TOM1L2: variants seen among roughly 807,000 people sequenced by gnomAD.
The protein encoded by TOM1L2 is target of myb1 like 2 membrane trafficking protein.
In TOM1L2, 31 loss-of-function variants were observed where a neutral mutation model predicts 67.9. That is an observed-to-expected ratio of 0.46 (90% CI 0.34 to 0.62). The LOEUF is 0.62. Ranked by LOEUF, TOM1L2 falls within the 20% of genes least tolerant of loss-of-function variation. TOM1L2 has a pLI of 0.01. For synonymous variants in TOM1L2, 256 were observed against 254.0 expected (o/e 1.01, Z -0.07); for missense variants, 606 against 663.5 (o/e 0.91, Z 0.95).
intron 1 of TOM1L2, among the ~76,000 whole-genome samples, chr17:17,930,748 A>G (rs2040297342): frequency 6.6e-6 from 1 of 152,246 alleles, no homozygotes; most frequent in Non-Finnish European, 1.5e-5. Context: ...CAAATGGAAT[A>G]AAAGAAGAAA....
chr17:17,935,864 T>C (rs1222801635), intron 1 of TOM1L2, among the ~76,000 whole-genome samples: 1 of 151,964 alleles, frequency 6.6e-6, no homozygotes, highest in East Asian at 1.9e-4. Flanking sequence ...CCTATCAATT[T>C]AGCAAATTCT....
At chr17:17,928,838 T>G (rs1598356155) in intron 1 of TOM1L2, among the ~76,000 whole-genome samples, 2 of 152,182 alleles carry the variant, frequency 1.3e-5, no homozygotes, top group Non-Finnish European at 2.9e-5. Context: ...CAGTAGCCAT[T>G]CAGGAAAGGC....
intron 2 of TOM1L2, among the ~76,000 whole-genome samples, chr17:17,899,695 G>C (rs956904279): frequency 6.6e-6 from 1 of 152,196 alleles, no homozygotes; most frequent in Non-Finnish European, 1.5e-5. Context: ...CCCTCAGTCC[G>C]GCTGTGGGCC....
At chr17:17,906,877 A>G (rs1248564979) in intron 2 of TOM1L2, among the ~76,000 whole-genome samples, 2 of 152,264 alleles carry the variant, frequency 1.3e-5, no homozygotes, top group African/African-American at 4.8e-5. Flanking sequence ...CCAGTTTGGA[A>G]GAAGTACAAA....
intron 1 of TOM1L2, among the ~76,000 whole-genome samples, chr17:17,920,093 C>T (rs2144594565): frequency 6.6e-6 from 1 of 152,212 alleles, no homozygotes; most frequent in South Asian, 2.1e-4. Context: ...TGCAGCCCAC[C>T]CTCCTGATTT....
chr17:17,854,624 A>C (rs1049419952), intron 12 of TOM1L2, among the ~76,000 whole-genome samples: 1 of 151,986 alleles, frequency 6.6e-6, no homozygotes, highest in African/African-American at 2.4e-5. Context: ...TCCCAGGTTC[A>C]GATAATCCTT....
chr17:17,876,922 G>T, intron 7 of TOM1L2, among the ~76,000 whole-genome samples: 1 of 152,258 alleles, frequency 6.6e-6, no homozygotes, highest in East Asian at 1.9e-4. Context: ...GAACACAGGT[G>T]TAGAACTGAA....
intron 6 of TOM1L2, among the ~76,000 whole-genome samples, chr17:17,881,085 G>A (rs1157181646): frequency 1.3e-5 from 2 of 152,208 alleles, no homozygotes; most frequent in Non-Finnish European, 1.5e-5. Flanking sequence ...GCTGGGTTGA[G>A]CTTTATACCC....
At chr17:17,878,079 C>A (rs1442823285) in intron 7 of TOM1L2, among the ~76,000 whole-genome samples, 1 of 152,244 alleles carries the variant, frequency 6.6e-6, no homozygotes, top group Non-Finnish European at 1.5e-5. Flanking sequence ...CCTCAAGAGG[C>A]CTTCTCAGTT....
chr17:17,957,630 T>C (rs1030653797), intron 1 of TOM1L2, among the ~76,000 whole-genome samples: 1 of 150,876 alleles, frequency 6.6e-6, no homozygotes. Flanking sequence ...ACAAAATATA[T>C]ATAAAGTATA....
chr17:17,938,978 C>A (rs906293261), intron 1 of TOM1L2, among the ~76,000 whole-genome samples: 1 of 152,092 alleles, frequency 6.6e-6, no homozygotes, highest in African/African-American at 2.4e-5. Flanking sequence ...GGCACCTGGA[C>A]TAGAATTCCA....
chr17:17,845,411 G>C lies in TOM1L2; in HGVS notation c.*2224C>G, dbSNP rs954009329. Reference sequence around the variant, plus strand: ...TGGGTATGAAAAACAGTTTTGCTGGGGGCTCCCCAGGAGGGCGCCTATTTC... The same window carrying C: ...TGGGTATGAAAAACAGTTTTGCTGGCGGCTCCCCAGGAGGGCGCCTATTTC... On this transcript the variant is annotated 3_prime_UTR_variant, in exon 15 of 15. Coordinates refer to ENST00000379504, the MANE Select transcript of TOM1L2 (RefSeq NM_001082968.2). 3 of 152,230 alleles carry C rather than the reference G, an allele frequency of 2.0e-5. No homozygotes were observed. Among genetic ancestry groups the C allele is most frequent in the Admixed American group, 2.0e-4 (3 of 15,288 alleles). The allele number at this position is 152,230 out of a possible 1,614,324, so 9.4% of individuals were successfully genotyped here. A position where few individuals can be genotyped will look rare whatever the true frequency, so the allele number is the denominator to read the frequency against.
At chr17:17,904,718 C>T (rs553084549) in intron 2 of TOM1L2, among the ~76,000 whole-genome samples, 65 of 152,248 alleles carry the variant, frequency 4.3e-4, no homozygotes, top group Admixed American at 6.5e-4. Flanking sequence ...CCTTTCCAGC[C>T]GGATTCCAGA....
At chr17:17,883,665 C>T (rs1400323602) in intron 5 of TOM1L2, among the ~76,000 whole-genome samples, 3 of 152,106 alleles carry the variant, frequency 2.0e-5, no homozygotes, top group African/African-American at 4.8e-5. Context: ...ACCCAGAAGG[C>T]GGAGCGTGCA....
intron 1 of TOM1L2, among the ~76,000 whole-genome samples, chr17:17,961,576 T>TA (rs925941605): frequency 3.4e-5 from 5 of 148,626 alleles, no homozygotes; most frequent in African/African-American, 9.9e-5. Flanking sequence ...ACGTGTCTCT[T>TA]AAAAAAAAAT....
At chr17:17,898,410 C>G (rs1317887697) in intron 3 of TOM1L2, among the ~76,000 whole-genome samples, 186 bp downstream of exon 3, 1 of 152,204 alleles carries the variant, frequency 6.6e-6, no homozygotes, top group Non-Finnish European at 1.5e-5. Flanking sequence ...GCTCACCACT[C>G]CCTGTTTCAG....
At chr17:17,848,605 GTTCT>G (rs1185401791) in intron 14 of TOM1L2, among the ~76,000 whole-genome samples, 1 of 152,240 alleles carries the variant, frequency 6.6e-6, no homozygotes, top group East Asian at 1.9e-4. Flanking sequence ...GAATTGACAT[GTTCT>G]TTCTGACCTG....
At chr17:17,873,640 T>G (rs1399575718) in intron 7 of TOM1L2, among the ~76,000 whole-genome samples, 1 of 152,234 alleles carries the variant, frequency 6.6e-6, no homozygotes, top group East Asian at 1.9e-4. Flanking sequence ...GGGGTTGATG[T>G]CAGTCTCCTC....
intron 1 of TOM1L2, among the ~76,000 whole-genome samples, chr17:17,917,124 C>A (rs367962637): frequency 1.5e-4 from 23 of 152,106 alleles, no homozygotes; most frequent in African/African-American, 5.6e-4. Flanking sequence ...CACGCCACTG[C>A]ACTCCAGCCT....
Sources: allele counts gnomAD v4.1 joint callset (sites outside exome capture counted in the v4.1 genomes callset), GRCh38; gene constraint gnomAD v4.1.1; transcripts MANE v1.5; gene names NCBI Gene and HGNC (gene_info 2026-07-23, HGNC 2026-07-21).